Variants in TENM2 observed in about 807,000 individuals in gnomAD.
The protein encoded by TENM2 is teneurin-2.
A neutral mutation model predicts 245.2 loss-of-function variants in TENM2; 52 were observed. The observed-to-expected ratio is 0.21, with a 90% CI of 0.17 to 0.27. TENM2 has a LOEUF of 0.27. Ranked by LOEUF, TENM2 falls within the 10% of genes least tolerant of loss-of-function variation. The pLI is 1.00. For missense variants in TENM2, 3,046 were observed against 3,666.8 expected, an observed-to-expected ratio of 0.83 and a Z score of 4.37; for synonymous variants, 1,363 against 1,438.9, an observed-to-expected ratio of 0.95 and a Z score of 1.19.
At chr5:166,985,568 T>G in the TENM2 span, among the ~76,000 whole-genome samples, 2 of 152,158 alleles carry the variant, frequency 1.3e-5, no homozygotes, top group African/African-American at 4.8e-5. Context: ...CTAATCCTGT[T>G]TATATATCCC....
intron 15 of TENM2, 21 bp from the exon 18 acceptor site, chr5:168,198,832 G>T: frequency 1.2e-6 from 2 of 1,608,876 alleles, no homozygotes; most frequent in Non-Finnish European, 1.7e-6. Flanking sequence ...CCCCTCATCA[G>T]CTCATTTACT....
At chr5:168,095,223 G>C (rs1366525052) in intron 8 of TENM2, among the ~76,000 whole-genome samples, 1 of 152,066 alleles carries the variant, frequency 6.6e-6, no homozygotes, top group Non-Finnish European at 1.5e-5. Context: ...ACCAGTCCCT[G>C]GTGGCAAAAA....
chr5:168,221,314 C>G (rs1033227931), intron 23 of TENM2, among the ~76,000 whole-genome samples: 1 of 152,030 alleles, frequency 6.6e-6, no homozygotes, highest in East Asian at 1.9e-4. Flanking sequence ...CAGTGACTGT[C>G]TAAATATGGA....
At position 167,452,931 on chromosome 5, in the gene TENM2, T is replaced by TTATATATA. The variant is rs1554157697; in HGVS notation, c.502+77482_502+77489dup. Among the ~76,000 whole-genome samples, 6 of 4,866 alleles carry TTATATATA rather than the reference T, an allele frequency of 1.2e-3. 1 individual carries two copies. The highest frequency in any genetic ancestry group is 2.8e-3 in the Non-Finnish European group (4 of 1,418). 3.2% of individuals were successfully genotyped at this position (4,866 alleles called of 152,430 possible). A position where few individuals can be genotyped will look rare whatever the true frequency, so the allele number is the denominator to read the frequency against. On this transcript the variant is annotated intron_variant, in intron 2 of 28. Coordinates refer to ENST00000518659, the Ensembl canonical transcript of TENM2. ...TGTACCCTAGAACTTAAAGTATGAT[T>TTATATATA]TATATATATATATATATATATATAT...
chr5:167,135,363 G>A, the TENM2 span, among the ~76,000 whole-genome samples: 1 of 152,128 alleles, frequency 6.6e-6, no homozygotes, highest in African/African-American at 2.4e-5. Context: ...AGAATTATAG[G>A]TCCATTGAGA....
chr5:167,710,152 G>C (rs1758810320), intron 2 of TENM2, among the ~76,000 whole-genome samples: 1 of 152,152 alleles, frequency 6.6e-6, no homozygotes, highest in Admixed American at 6.5e-5. Context: ...TCTTTGAGAA[G>C]AAGCATGTTG....
chr5:167,924,711 G>T (rs1391809952), intron 3 of TENM2, among the ~76,000 whole-genome samples: 1 of 152,162 alleles, frequency 6.6e-6, no homozygotes, highest in Non-Finnish European at 1.5e-5. Flanking sequence ...CTTGTCTAAA[G>T]GTTCCACCTA....
chr5:167,200,937 A>G, the TENM2 span, among the ~76,000 whole-genome samples: 1 of 152,202 alleles, frequency 6.6e-6, no homozygotes, highest in African/African-American at 2.4e-5. Flanking sequence ...AACCATGAAT[A>G]TTATATCCCA....
intron 2 of TENM2, among the ~76,000 whole-genome samples, chr5:167,798,034 A>G (rs575488925): frequency 6.6e-6 from 1 of 152,230 alleles, no homozygotes; most frequent in Admixed American, 6.5e-5. Context: ...AATTCCAGAA[A>G]CTATGCAAAG....
At chr5:167,355,504 G>A (rs1759253657) in intron 1 of TENM2, among the ~76,000 whole-genome samples, 2 of 152,018 alleles carry the variant, frequency 1.3e-5, no homozygotes, top group Non-Finnish European at 2.9e-5. Flanking sequence ...TGAAATGAGA[G>A]CACAGGAATT....
chr5:167,439,657 A>G (rs1172662112), intron 2 of TENM2, among the ~76,000 whole-genome samples: 1 of 152,218 alleles, frequency 6.6e-6, no homozygotes, highest in Non-Finnish European at 1.5e-5. Context: ...AATACAATGC[A>G]CATAATAATA....
chr5:167,146,506 C>T, the TENM2 span, among the ~76,000 whole-genome samples: 1 of 152,174 alleles, frequency 6.6e-6, no homozygotes, highest in African/African-American at 2.4e-5. Flanking sequence ...GAGGAGTTTA[C>T]CAAGTACTCT....
At position 167,387,558 on chromosome 5, in the gene TENM2, A is replaced by G. The variant is rs891745036; in HGVS notation, c.502+12085A>G. On this transcript the variant is annotated intron_variant, in intron 2 of 28. Coordinates refer to ENST00000518659, the Ensembl canonical transcript of TENM2. Reference sequence around the variant, plus strand: ...TGGCTAGGACTTCAGTACTATGTTGAAGAGGAGTGGTGAGAGTGGCAATAC... The same window carrying G: ...TGGCTAGGACTTCAGTACTATGTTGGAGAGGAGTGGTGAGAGTGGCAATAC... Among the ~76,000 whole-genome samples, 3 of 152,006 alleles carry G rather than the reference A, an allele frequency of 2.0e-5. 1 individual carries two copies. The South Asian group carries it at 6.2e-4, about 32-fold the overall frequency.
intron 2 of TENM2, among the ~76,000 whole-genome samples, chr5:167,652,291 A>G (rs966078616): frequency 3.9e-5 from 6 of 152,218 alleles, no homozygotes; most frequent in Non-Finnish European, 7.4e-5. Context: ...TTTAAAAACT[A>G]TCAATAGTTT....
chr5:167,204,324 G>A, the TENM2 span, among the ~76,000 whole-genome samples: 1 of 152,166 alleles, frequency 6.6e-6, no homozygotes, highest in East Asian at 1.9e-4. Context: ...AGTAATTGAG[G>A]CAATAGCATC....
the TENM2 span, among the ~76,000 whole-genome samples, chr5:167,016,543 A>C: frequency 6.6e-6 from 1 of 152,210 alleles, no homozygotes; most frequent in African/African-American, 2.4e-5. Flanking sequence ...TTTTGTGTTG[A>C]ACAAAGTTCT....
At chr5:167,333,217 C>A (rs1443930942) in intron 1 of TENM2, among the ~76,000 whole-genome samples, 1 of 152,080 alleles carries the variant, frequency 6.6e-6, no homozygotes, top group African/African-American at 2.4e-5. Flanking sequence ...ATTAGTAAGG[C>A]AAATCAGAGA....
intron 2 of TENM2, among the ~76,000 whole-genome samples, chr5:167,418,921 G>T (rs184806813): frequency 6.6e-6 from 1 of 151,974 alleles, no homozygotes; most frequent in East Asian, 1.9e-4. Flanking sequence ...TGCCTGTGTC[G>T]CTTAAAAAAT....
chr5:168,233,319 C>T (rs1765114842), intron 25 of TENM2, among the ~76,000 whole-genome samples: 1 of 151,918 alleles, frequency 6.6e-6, no homozygotes, highest in East Asian at 1.9e-4. Context: ...AGTGAGACTC[C>T]CATCTCAAAA....
Sources: gnomAD v4.1 joint callset for allele counts (sites outside exome capture counted in the v4.1 genomes callset) on GRCh38, gnomAD v4.1.1 for gene constraint, MANE v1.5 for transcripts, NCBI Gene and HGNC (gene_info 2026-07-23, HGNC 2026-07-21) for gene names.